The following PCNX2 variants were observed in gnomAD, a reference collection of about 807,000 sequenced individuals.
The protein encoded by PCNX2 is pecanex-like protein 2.
A neutral mutation model predicts 223.8 loss-of-function variants in PCNX2; 168 were observed. The ratio of observed to expected loss-of-function variants is 0.75; its 90% CI spans 0.66 to 0.85. PCNX2 has a LOEUF of 0.85. PCNX2 is among the 40% of genes least tolerant of loss of function. The pLI is 0.00. For missense variants in PCNX2, 2,507 were observed against 2,675.5 expected (o/e 0.94, Z 1.39); for synonymous variants, 1,006 against 1,052.6 (o/e 0.96, Z 0.86).
intron 23 of PCNX2, among the ~76,000 whole-genome samples, chr1:233,088,709 C>T (rs991151706): frequency 2.0e-5 from 3 of 152,170 alleles, no homozygotes; most frequent in African/African-American, 7.2e-5. Flanking sequence ...GGTTAGTTTT[C>T]ACCAGGGCAC....
chr1:233,314,689 A>AT, the PCNX2 span, among the ~76,000 whole-genome samples: 1 of 151,914 alleles, frequency 6.6e-6, no homozygotes, highest in Non-Finnish European at 1.5e-5. Context: ...ATTTGTCAAT[A>AT]TTTTTTCAAG....
Position 233,184,939 on chromosome 1 carries a change from G to GA in PCNX2, c.3067-5765dup, listed in dbSNP as rs935317902. On this transcript the variant is annotated intron_variant, in intron 15 of 33. Transcript: ENST00000258229. ...CACACTTCCACACAACTCTTTCTCA[G>GA]AAAAAAAAAACTGACCTTCCCTGAG... 1.9e-3 allele frequency among the ~76,000 whole-genome samples: 279 copies of GA among 147,264 alleles called. 2 individuals carry two copies. Among genetic ancestry groups the GA allele is most frequent in the African/African-American group, 5.6e-3 (225 of 40,248 alleles).
At position 232,991,624 on chromosome 1, in the gene PCNX2, G is replaced by C. The variant is rs1669702018; in HGVS notation, c.5792-5084C>G. On this transcript the variant is annotated intron_variant, in intron 32 of 33. Transcript: ENST00000258229. This position sits in a 1 kb window ranked among gnomAD's most constrained non-coding sequence, Gnocchi z 4.3. ...ATGGGCCCTGAGTCCATGATGACCA[G>C]TGTCCTTATAAAAAGGGGACGTGTG... Among the ~76,000 whole-genome samples the C allele has an allele frequency of 6.6e-6, 1 of 152,168 alleles. No individual in the cohort carries two copies. The highest frequency in any genetic ancestry group is 1.5e-5 in the Non-Finnish European group (1 of 68,038).
chr1:233,078,394 G>A (rs761822554), intron 23 of PCNX2, among the ~76,000 whole-genome samples: 1 of 152,328 alleles, frequency 6.6e-6, no homozygotes, highest in Non-Finnish European at 1.5e-5. Context: ...TTTGAGCCAC[G>A]TAGTAAAACA....
intron 4 of PCNX2, among the ~76,000 whole-genome samples, chr1:233,260,376 A>G (rs1659982842): frequency 6.6e-6 from 1 of 152,226 alleles, no homozygotes; most frequent in South Asian, 2.1e-4. Flanking sequence ...AGATTATTAT[A>G]GCACACCTAA....
chr1:233,155,949 G>A lies in PCNX2; in HGVS notation c.3517+4334C>T, dbSNP rs372529468. Among the ~76,000 whole-genome samples, 9 of 152,280 alleles carry A rather than the reference G, an allele frequency of 5.9e-5. No individual in the cohort carries two copies. In the South Asian group the frequency reaches 1.5e-3, roughly 25 times the overall value. ...ATTGTGCTGTCTTCATGTTCAGCAT[G>A]ATTAACTTAGCTTGGGGGGAAATAT... On this transcript the variant is annotated intron_variant, in intron 19 of 33. Transcript: ENST00000258229.
chr1:233,007,204 T>C (rs1417797153), intron 28 of PCNX2, among the ~76,000 whole-genome samples: 2 of 151,312 alleles, frequency 1.3e-5, no homozygotes, highest in East Asian at 3.9e-4. Flanking sequence ...GCTTGGCAAC[T>C]AGATGACTAG....
intron 21 of PCNX2, among the ~76,000 whole-genome samples, chr1:233,120,185 G>GAA (rs1675697596): frequency 9.0e-6 from 1 of 111,632 alleles, no homozygotes; most frequent in Non-Finnish European, 1.9e-5. Flanking sequence ...AAAAAAAAAA[G>GAA]AAATAAAAAG....
Position 233,262,080 on chromosome 1 carries a change from G to A in PCNX2, c.445C>T (p.Gln149Ter). 6.2e-7 allele frequency: 1 copy of A among 1,613,886 alleles called. No homozygotes were observed. The highest frequency in any genetic ancestry group is 1.3e-5 in the African/African-American group (1 of 75,050). The change falls in exon 3 of 34, where the codon CAA (glutamine) becomes TAA (stop). Residue 149 changes from glutamine (Q) to a stop codon, truncating the protein, a stop_gained. Transcript: ENST00000258229. LOFTEE classifies it high-confidence loss of function. ...TPPLRCSSRG[Q>*]SITSHHSSGP... ...GAAGAGTGATGAGAGGTTATGCTTT[G>A]CCCTCTGGAGCTGCAGCGGAGGGGA...
chr1:233,288,803 CCT>C (rs1491491172), intron 1 of PCNX2: 9,798 of 654,266 alleles, frequency 0.015, 115 homozygotes, highest in Non-Finnish European at 0.018. Context: ...GGAAAGATGC[CCT>C]TTTTTTTTTT....
chr1:233,161,235 G>C, intron 18 of PCNX2, 36 bp downstream of exon 18: 1 of 1,556,320 alleles, frequency 6.4e-7, no homozygotes, highest in African/African-American at 1.4e-5. Flanking sequence ...AGGAGAATAA[G>C]GGGGCAGGAA....
chr1:233,007,939 A>T (rs540431912), intron 28 of PCNX2, among the ~76,000 whole-genome samples: 2 of 152,186 alleles, frequency 1.3e-5, no homozygotes, highest in South Asian at 4.2e-4. Flanking sequence ...TCAGCCTCCC[A>T]AAGTGCTGAG....
chr1:233,284,818 G>C (rs1661361618), intron 1 of PCNX2, among the ~76,000 whole-genome samples: 2 of 152,134 alleles, frequency 1.3e-5, no homozygotes. Context: ...AAGGCAAGAA[G>C]TATTTGCCAT....
chr1:233,263,294 A>G (rs1426982684), intron 1 of PCNX2, 131 bp from the exon 2 acceptor site: 5 of 800,410 alleles, frequency 6.2e-6, no homozygotes, highest in South Asian at 2.4e-5. Flanking sequence ...TAATTTTTTA[A>G]GTTTTCCTGG....
At chr1:233,313,978 C>T in the PCNX2 span, among the ~76,000 whole-genome samples, 1 of 152,132 alleles carries the variant, frequency 6.6e-6, no homozygotes, top group African/African-American at 2.4e-5. Flanking sequence ...ATGCATGTGC[C>T]CTTTGACTCG....
intron 23 of PCNX2, among the ~76,000 whole-genome samples, chr1:233,087,618 C>A (rs1019256896): frequency 1.3e-5 from 2 of 152,124 alleles, no homozygotes; most frequent in African/African-American, 2.4e-5. Context: ...ATGAGATTTC[C>A]TGTCACTTCC....
At chr1:232,994,438 C>A (rs1433410659) in intron 32 of PCNX2, among the ~76,000 whole-genome samples, 2 of 152,252 alleles carry the variant, frequency 1.3e-5, no homozygotes, top group African/African-American at 4.8e-5. Context: ...CTTGTTCCCC[C>A]ATTGTATCTT....
chr1:233,219,338 C>G (rs1427533653), intron 10 of PCNX2, among the ~76,000 whole-genome samples: 4 of 151,104 alleles, frequency 2.6e-5, no homozygotes, highest in Non-Finnish European at 5.9e-5. Context: ...TGAGCAGAGA[C>G]AGGATTATAA....
intron 25 of PCNX2, among the ~76,000 whole-genome samples, chr1:233,053,320 T>C (rs1361673459): frequency 6.6e-6 from 1 of 152,072 alleles, no homozygotes; most frequent in Non-Finnish European, 1.5e-5. Flanking sequence ...TATCAGTCCC[T>C]GCACTGGGGA....
Sources: gnomAD v4.1 joint callset for allele counts (sites outside exome capture counted in the v4.1 genomes callset) on GRCh38, gnomAD v4.1.1 for gene constraint, Gnocchi (gnomAD v3.1) non-coding constraint, MANE v1.5 for transcripts, NCBI Gene and HGNC (gene_info 2026-07-23, HGNC 2026-07-21) for gene names.